EFCAB6: variants seen among roughly 807,000 people sequenced by gnomAD.
EFCAB6 encodes EF-hand calcium-binding domain-containing protein 6.
Under a neutral mutation model 169.8 loss-of-function variants are expected in EFCAB6, and 156 were observed. The observed-to-expected ratio is 0.92, with a 90% confidence interval of 0.81 to 1.05. EFCAB6 has a LOEUF of 1.05. Ranked by LOEUF, EFCAB6 falls within the 50% of genes least tolerant of loss-of-function variation. The pLI is 0.00. For missense variants in EFCAB6, 1,800 were observed against 1,829.1 expected (o/e 0.98, Z 0.29); for synonymous variants, 698 against 676.4 (o/e 1.03, Z -0.50).
At chr22:43,689,349 G>GCACAAACACACACACACACACA (rs375566793) in intron 10 of EFCAB6, among the ~76,000 whole-genome samples, 2 of 146,962 alleles carry the variant, frequency 1.4e-5, no homozygotes, top group Non-Finnish European at 3.0e-5. Flanking sequence ...GAGAGCACGT[G>GCACAAACACACACACACACACA]CACACACACA....
intron 4 of EFCAB6, among the ~76,000 whole-genome samples, chr22:43,766,271 G>C (rs989265127): frequency 6.6e-6 from 1 of 152,102 alleles, no homozygotes. Context: ...GACCTCAAAT[G>C]ATATGCCTGC....
At chr22:43,601,036 A>ATGATG in intron 22 of EFCAB6, among the ~76,000 whole-genome samples, 1 of 152,250 alleles carries the variant, frequency 6.6e-6, no homozygotes, top group East Asian at 1.9e-4. Context: ...AAAATTCTTC[A>ATGATG]AAAAGCATAT....
chr22:43,573,788 T>A (rs548867991), intron 26 of EFCAB6, among the ~76,000 whole-genome samples: 1 of 148,232 alleles, frequency 6.7e-6, no homozygotes, highest in Non-Finnish European at 1.5e-5. Flanking sequence ...GTATTAATAC[T>A]AGTTGTCCCA....
At chr22:43,695,653 G>A (rs866503354) in intron 10 of EFCAB6, among the ~76,000 whole-genome samples, 19 of 152,174 alleles carry the variant, frequency 1.2e-4, no homozygotes, top group African/African-American at 4.3e-4. Context: ...CAGAGACTAA[G>A]GAATCCAGAA....
Position 43,618,220 on chromosome 22 carries a change from A to AAGAAAGAAAGAAAGAAAGAAAGAG in EFCAB6, c.2466-2299_2466-2298insCTCTTTCTTTCTTTCTTTCTTTCT, listed in dbSNP as rs1569257492. Among the ~76,000 whole-genome samples the AAGAAAGAAAGAAAGAAAGAAAGAG allele has an allele frequency of 3.3e-5, 4 of 120,818 alleles. No homozygotes were observed. The East Asian group carries it at 1.0e-3, about 31-fold the overall frequency. 79.3% of individuals were successfully genotyped at this position (120,818 alleles called of 152,430 possible). The stretch of plus-strand genomic sequence containing the variant: ...AAAGAAAGAAAGAAAGAAAGAAAGA[A>AAGAAAGAAAGAAAGAAAGAAAGAG]AGAGAAAGAAAGAAAGAGAGAGAAA... On this transcript the variant is annotated intron_variant, in intron 20 of 31. Coordinates refer to ENST00000262726, the MANE Select transcript of EFCAB6 (RefSeq NM_022785.4).
chr22:43,668,436 A>G (rs1443637927), intron 16 of EFCAB6, among the ~76,000 whole-genome samples: 5 of 152,228 alleles, frequency 3.3e-5, no homozygotes, highest in African/African-American at 1.2e-4. Flanking sequence ...TAATCATTCT[A>G]TCATTCATAT....
intron 17 of EFCAB6, among the ~76,000 whole-genome samples, chr22:43,650,156 A>C (rs142591081): frequency 6.6e-6 from 1 of 152,260 alleles, no homozygotes; most frequent in East Asian, 1.9e-4. Flanking sequence ...CTGGAGGGGA[A>C]GGGGCAGGGC....
chr22:43,803,489 C>T (rs1023123374), intron 2 of EFCAB6, among the ~76,000 whole-genome samples: 2 of 152,066 alleles, frequency 1.3e-5, no homozygotes, highest in South Asian at 2.1e-4. Flanking sequence ...GCTGAAATAC[C>T]GTGATTGGTT....
intron 2 of EFCAB6, among the ~76,000 whole-genome samples, chr22:43,784,539 G>GTATATGTATA (rs1412650507): frequency 1.1e-5 from 1 of 91,954 alleles, no homozygotes; most frequent in Non-Finnish European, 2.1e-5. Context: ...GTGTGTGTGT[G>GTATATGTATA]TGTGTATATG....
chr22:43,660,030 A>G (rs956662540), intron 17 of EFCAB6, among the ~76,000 whole-genome samples: 2 of 152,184 alleles, frequency 1.3e-5, no homozygotes, highest in Non-Finnish European at 2.9e-5. Flanking sequence ...GTCTGTCTCC[A>G]GAGGCCGAGG....
chr22:43,585,926 C>T (rs2051036287), intron 24 of EFCAB6, among the ~76,000 whole-genome samples: 1 of 152,104 alleles, frequency 6.6e-6, no homozygotes, highest in South Asian at 2.1e-4. Flanking sequence ...CCAGTATTCT[C>T]TGTCAGAAAT....
At chr22:43,730,349 A>G (rs1603292329) in intron 8 of EFCAB6, among the ~76,000 whole-genome samples, 1 of 148,478 alleles carries the variant, frequency 6.7e-6, no homozygotes, top group Non-Finnish European at 1.5e-5. Context: ...CAAATCATCC[A>G]TAAGAGAAAA....
At chr22:43,725,531 A>G (rs2059697308) in intron 8 of EFCAB6, among the ~76,000 whole-genome samples, 2 of 152,216 alleles carry the variant, frequency 1.3e-5, no homozygotes, top group African/African-American at 4.8e-5. Flanking sequence ...CACCTCTTAA[A>G]GGCCACATCT....
At chr22:43,794,319 T>C (rs1254600901) in intron 2 of EFCAB6, among the ~76,000 whole-genome samples, 4 of 152,236 alleles carry the variant, frequency 2.6e-5, no homozygotes, top group Non-Finnish European at 5.9e-5. Context: ...ATCAACCATG[T>C]GACAACCTTG....
intron 25 of EFCAB6, among the ~76,000 whole-genome samples, chr22:43,579,447 C>G (rs2050537119): frequency 6.7e-6 from 1 of 148,524 alleles, no homozygotes; most frequent in South Asian, 2.1e-4. Flanking sequence ...TCCCTACATG[C>G]AAGCATCATT....
intron 5 of EFCAB6, 73 bp from the exon 6 acceptor site, chr22:43,755,905 C>A: frequency 2.3e-6 from 3 of 1,298,098 alleles, no homozygotes; most frequent in South Asian, 3.1e-5. Context: ...ATGCAGAGAT[C>A]AAAATTACAA....
intron 29 of EFCAB6, chr22:43,536,211 C>T (rs1208887761): frequency 1.3e-5 from 2 of 151,920 alleles, no homozygotes. Flanking sequence ...AAGGGAACGC[C>T]AATATGTGTG....
At position 43,548,844 on chromosome 22, in the gene EFCAB6, A is replaced by G. The variant is rs145890579; in HGVS notation, c.3648+6025T>C. Among the ~76,000 whole-genome samples, 1,178 of 152,284 alleles carry G rather than the reference A, an allele frequency of 7.7e-3. 9 individuals are homozygous for G. The highest frequency in any genetic ancestry group is 0.027 in the Middle Eastern group (8 of 294). ...TTCGCTCAGCCACTGGAGGCTATGC[A>G]TACTATCCATCCACAAATGGAACAT... is the stretch of plus-strand genomic sequence containing the variant. On this transcript the variant is annotated intron_variant, in intron 27 of 31. Transcript: ENST00000262726.
intron 3 of EFCAB6, among the ~76,000 whole-genome samples, chr22:43,779,345 T>TTA (rs1365808047): frequency 2.0e-5 from 3 of 152,200 alleles, no homozygotes; most frequent in Non-Finnish European, 4.4e-5. Flanking sequence ...ATATCTACAG[T>TTA]TATATGTTGT....
Sources: gnomAD v4.1 joint callset for allele counts (sites outside exome capture counted in the v4.1 genomes callset) on GRCh38, gnomAD v4.1.1 for gene constraint, MANE v1.5 for transcripts, NCBI Gene and HGNC (gene_info 2026-07-23, HGNC 2026-07-21) for gene names.